Variants in SEC23A observed in about 807,000 individuals in gnomAD.
SEC23A encodes SEC23 homolog A, COPII component.
In SEC23A, 56 loss-of-function variants were observed where a neutral mutation model predicts 103.7. The observed-to-expected ratio is 0.54, with a 90% CI of 0.44 to 0.67. The LOEUF (loss-of-function observed/expected upper bound fraction) is 0.67. Among genes scored for constraint, SEC23A ranks in the 30% least tolerant of loss-of-function variants. The pLI is 0.00. For synonymous variants in SEC23A, 281 were observed against 293.0 expected (o/e 0.96, Z 0.42); for missense variants, 784 against 936.4 (o/e 0.84, Z 2.12).
chr14:39,057,585 T>C (rs890725067), intron 13 of SEC23A, among the ~76,000 whole-genome samples: 1 of 152,102 alleles, frequency 6.6e-6, no homozygotes, highest in East Asian at 1.9e-4. Flanking sequence ...CAGGCTAGTC[T>C]CCAACTCCTG....
Position 39,075,242 on chromosome 14 carries a change from A to G in SEC23A, c.987+693T>C, listed in dbSNP as rs143184512. Among the ~76,000 whole-genome samples the G allele has an allele frequency of 2.2e-3, 340 of 152,354 alleles. 3 individuals carry two copies. The highest frequency in any genetic ancestry group is 7.5e-3 in the African/African-American group (313 of 41,584). The stretch of plus-strand genomic sequence containing the variant: ...AATCTAAAACCTTTTTTGAAGCTGT[A>G]ACCAAGAAAAATTCCAAGCTCAAAA... On this transcript the variant is annotated intron_variant, in intron 8 of 19. Coordinates refer to ENST00000307712, the MANE Select transcript of SEC23A (RefSeq NM_006364.4).
chr14:39,091,553 T>C lies in SEC23A; in HGVS notation c.527A>G (p.His176Arg). The change falls in exon 5 of 20, where the codon CAT (histidine) becomes CGT (arginine). Residue 176 changes from histidine to arginine, a missense_variant. Coordinates refer to ENST00000307712, the MANE Select transcript of SEC23A (RefSeq NM_006364.4). Reference sequence around the variant, plus strand: ...TGAAATGCCTTCACATCCAAGTTCATGAACCTGAACCATTCTCCCAAAAGT... The same window carrying C: ...TGAAATGCCTTCACATCCAAGTTCACGAACCTGAACCATTCTCCCAAAAGT... ...LITFGRMVQV[H>R]ELGCEGISKS... The C allele has an allele frequency of 6.2e-7, 1 of 1,614,072 alleles. No individual in the cohort carries two copies. Among genetic ancestry groups the C allele is most frequent in the Non-Finnish European group, 8.5e-7 (1 of 1,179,994 alleles).
chr14:39,046,196 T>C (rs1885832014), intron 15 of SEC23A, among the ~76,000 whole-genome samples: 1 of 152,176 alleles, frequency 6.6e-6, no homozygotes, highest in Non-Finnish European at 1.5e-5. Context: ...TGGCTGGGCA[T>C]GGTGGCTCAC....
intron 12 of SEC23A, among the ~76,000 whole-genome samples, chr14:39,062,848 C>G (rs1886525120): frequency 6.6e-6 from 1 of 152,016 alleles, no homozygotes; most frequent in Non-Finnish European, 1.5e-5. Flanking sequence ...GATTAATTAT[C>G]TCCTGTGGCA....
chr14:39,057,305 C>A (rs1446235417), intron 13 of SEC23A, among the ~76,000 whole-genome samples: 341 of 144,012 alleles, frequency 2.4e-3, no homozygotes, highest in Middle Eastern at 3.5e-3. Context: ...GACTTTGTCT[C>A]AAAAAAAAAA....
chr14:39,064,891 T>G, intron 11 of SEC23A, 22 bp downstream of exon 11: 1 of 1,557,888 alleles, frequency 6.4e-7, no homozygotes. Flanking sequence ...TGTATTTTCT[T>G]TTTAGAATAA....
intron 1 of SEC23A, among the ~76,000 whole-genome samples, chr14:39,097,692 G>A (rs1433482200): frequency 6.6e-6 from 1 of 152,136 alleles, no homozygotes; most frequent in Non-Finnish European, 1.5e-5. Flanking sequence ...CCAGAATCTT[G>A]GAGACAGCTA....
At position 39,038,220 on chromosome 14, in the gene SEC23A, T is replaced by A. The variant is rs138590201; in HGVS notation, c.2208+811A>T. Among the ~76,000 whole-genome samples, 513 of 152,324 alleles carry A rather than the reference T, an allele frequency of 3.4e-3. 4 individuals are homozygous for A. The highest frequency in any genetic ancestry group is 0.011 in the African/African-American group (478 of 41,574). On this transcript the variant is annotated intron_variant, in intron 19 of 19. Transcript: ENST00000307712. ...TTCCAATTACTGAAATAACCATTCTTTAAATGAAATGTTTCTTTTTTCTGA... is the reference window on the plus strand; with the variant it reads ...TTCCAATTACTGAAATAACCATTCTATAAATGAAATGTTTCTTTTTTCTGA...
intron 15 of SEC23A, among the ~76,000 whole-genome samples, chr14:39,045,972 A>G (rs1885821145): frequency 6.6e-6 from 1 of 152,172 alleles, no homozygotes; most frequent in African/African-American, 2.4e-5. Flanking sequence ...GCAGGGCCAG[A>G]TGGAGGGAAC....
At chr14:39,035,309 C>T (rs1257099096) in intron 19 of SEC23A, among the ~76,000 whole-genome samples, 1 of 152,178 alleles carries the variant, frequency 6.6e-6, no homozygotes, top group Non-Finnish European at 1.5e-5. Context: ...AAGACCTGAG[C>T]ACTCTTATTT....
chr14:39,077,745 C>A (rs1433465053), intron 7 of SEC23A, among the ~76,000 whole-genome samples: 5 of 151,806 alleles, frequency 3.3e-5, no homozygotes, highest in Non-Finnish European at 7.4e-5. Context: ...GCCTGGCCAA[C>A]ATGGCAAAAC....
rs5808022 is a variant in SEC23A, at chr14:39,093,251, T to TAA, written c.222-9_222-8dup. 6.9e-6 allele frequency: 11 copies of TAA among 1,593,238 alleles called. No individual in the cohort carries two copies. In the African/African-American group the frequency reaches 1.4e-4, roughly 20 times the overall value. ...TGCTCGATAATCCACTTGACTGTTTTAAAAAAAAAGAAAAGACATATCAGT... is the reference window on the plus strand; with the variant it reads ...TGCTCGATAATCCACTTGACTGTTTTAAAAAAAAAAAGAAAAGACATATCAGT... On this transcript the variant is annotated splice_polypyrimidine_tract_variant and splice_region_variant and intron_variant, in intron 2 of 19. Transcript: ENST00000307712.
intron 2 of SEC23A, among the ~76,000 whole-genome samples, chr14:39,094,461 C>T (rs1887819062): frequency 7.6e-5 from 7 of 92,200 alleles, no homozygotes; most frequent in East Asian, 3.7e-4. Flanking sequence ...TTTTTTTTTT[C>T]CCCTCCTGTA....
At position 39,093,058 on chromosome 14, in the gene SEC23A, G is replaced by C. The variant is rs997575848; in HGVS notation, c.279+129C>G. 1.3e-4 allele frequency: 85 copies of C among 648,964 alleles called. No individual in the cohort carries two copies. In the Admixed American group the frequency reaches 2.4e-3, roughly 18 times the overall value. The allele number at this position is 648,964 out of a possible 1,614,324, so 40.2% of individuals were successfully genotyped here. A position where few individuals can be genotyped will look rare whatever the true frequency, so the allele number is the denominator to read the frequency against. On this transcript the variant is annotated intron_variant, in intron 3 of 19. Transcript: ENST00000307712. ...TTTTTTTTGTATTTTTAGTAGAGAC[G>C]GGGTTTCACTGTGTTAGCCAGGATG...
At chr14:39,044,368 T>A (rs1276679022) in intron 16 of SEC23A, among the ~76,000 whole-genome samples, 1 of 152,064 alleles carries the variant, frequency 6.6e-6, no homozygotes, top group Non-Finnish European at 1.5e-5. Flanking sequence ...AACCAACATA[T>A]TAAAAATATA....
At chr14:39,074,622 G>A (rs560128718) in intron 8 of SEC23A, 92 bp from the exon 9 acceptor site, 192 of 713,966 alleles carry the variant, frequency 2.7e-4, no homozygotes, top group Non-Finnish European at 4.3e-4. Flanking sequence ...AGGACTAAAA[G>A]AGTAACTCAT....
intron 12 of SEC23A, 86 bp downstream of exon 12, chr14:39,063,238 A>G: frequency 2.4e-6 from 2 of 818,398 alleles, no homozygotes; most frequent in Non-Finnish European, 4.2e-6. Flanking sequence ...CTATAGGAAA[A>G]AAAATATGAA....
intron 16 of SEC23A, among the ~76,000 whole-genome samples, chr14:39,044,479 C>T (rs1282558508): frequency 6.6e-6 from 1 of 151,996 alleles, no homozygotes; most frequent in Non-Finnish European, 1.5e-5. Flanking sequence ...TGAATAATAG[C>T]ATCATGAGGG....
In SEC23A at chr14:39,040,759, G is replaced by C. The variant is rs763566760; in HGVS notation, c.2115C>G (p.Tyr705Ter). 1 of 1,614,186 alleles carries C rather than the reference G, an allele frequency of 6.2e-7. No individual in the cohort carries two copies. The highest frequency in any genetic ancestry group is 8.5e-7 in the Non-Finnish European group (1 of 1,180,034). Reference protein sequence around the residue: ...ILHSRFPMPRYIDTEHGGSQA... With the variant: ...ILHSRFPMPR ...GGCTGCCTCCATGTTCAGTGTCAAT[G>C]TATCTTGGCATTGGAAATCTGGAGT... Residue 705 changes from tyrosine to a stop codon, truncating the protein, a stop_gained, in exon 18 of 20, where the codon TAC becomes TAG. Transcript: ENST00000307712. LOFTEE classifies it high-confidence loss of function.
Sources: gnomAD v4.1 joint callset for allele counts (sites outside exome capture counted in the v4.1 genomes callset) on GRCh38, gnomAD v4.1.1 for gene constraint, MANE v1.5 for transcripts, NCBI Gene and HGNC (gene_info 2026-07-23, HGNC 2026-07-21) for gene names.